The following SHQ1 variants were observed in gnomAD, a reference collection of about 807,000 sequenced individuals.
The protein encoded by SHQ1 is protein SHQ1 homolog.
In SHQ1, 49 loss-of-function variants were observed where a neutral mutation model predicts 53.8. The ratio of observed to expected loss-of-function variants is 0.91; its 90% CI spans 0.72 to 1.16. The LOEUF (loss-of-function observed/expected upper bound fraction) is 1.16. Ranked by LOEUF, SHQ1 falls within the 50% of genes most tolerant of loss-of-function variation. The probability of loss-of-function intolerance (pLI) is 0.00; values close to 1 mark genes in which losing one functional copy is unlikely to be tolerated. For synonymous variants in SHQ1, 243 were observed against 251.0 expected (o/e 0.97, Z 0.30); for missense variants, 738 against 683.1 (o/e 1.08, Z -0.90).
At chr3:72,842,426 C>T in intron 2 of SHQ1, 24 bp from the exon 3 acceptor site, 1 of 1,607,258 alleles carries the variant, frequency 6.2e-7, no homozygotes, top group Non-Finnish European at 8.5e-7. Context: ...TTGTTTTATG[C>T]TTAGATTAAA....
At chr3:72,835,466 AAC>A (rs1443052733) in intron 4 of SHQ1, among the ~76,000 whole-genome samples, 1 of 152,172 alleles carries the variant, frequency 6.6e-6, no homozygotes, top group African/African-American at 2.4e-5. Context: ...GCAATTTTAA[AAC>A]ACAGACTTAC....
chr3:72,797,462 T>A (rs1706660568), intron 9 of SHQ1, among the ~76,000 whole-genome samples: 1 of 152,182 alleles, frequency 6.6e-6, no homozygotes, highest in Admixed American at 6.5e-5. Context: ...AGAAACATTA[T>A]TTGTTTAACA....
At chr3:72,740,325 C>T in the SHQ1 span, among the ~76,000 whole-genome samples, 1 of 152,122 alleles carries the variant, frequency 6.6e-6, no homozygotes, top group East Asian at 1.9e-4. Context: ...CAGATGGTAA[C>T]AAGAAAGTAG....
chr3:72,753,816 T>G (rs1425830939), intron 10 of SHQ1, among the ~76,000 whole-genome samples: 1 of 152,346 alleles, frequency 6.6e-6, no homozygotes, highest in South Asian at 2.1e-4. Context: ...AATTTGCATT[T>G]ATACCCAAGA....
chr3:72,838,859 A>T (rs2106948074), intron 4 of SHQ1, among the ~76,000 whole-genome samples: 1 of 152,076 alleles, frequency 6.6e-6, no homozygotes, highest in South Asian at 2.1e-4. Context: ...AGTCAACTAT[A>T]TTGGTTAATG....
chr3:72,797,326 G>A (rs1706656282), intron 9 of SHQ1, among the ~76,000 whole-genome samples: 1 of 152,006 alleles, frequency 6.6e-6, no homozygotes, highest in Non-Finnish European at 1.5e-5. Context: ...GATATTAACA[G>A]TATCTGTCTC....
intron 10 of SHQ1, among the ~76,000 whole-genome samples, chr3:72,784,386 T>C (rs1170513928): frequency 1.3e-5 from 2 of 152,220 alleles, no homozygotes; most frequent in African/African-American, 4.8e-5. Context: ...CAGTGGGCAC[T>C]GCTGAGCTAC....
Position 72,848,198 on chromosome 3 carries a change from C to G in SHQ1, c.143G>C (p.Arg48Thr), listed in dbSNP as rs1218630374. 8 of 1,614,190 alleles carry G rather than the reference C, an allele frequency of 5.0e-6. No homozygotes were observed. The highest frequency in any genetic ancestry group is 5.9e-6 in the Non-Finnish European group (7 of 1,180,026). Residue 48 changes from arginine to threonine, a missense_variant and splice_region_variant, in exon 1 of 11, where the codon AGA (arginine) becomes ACA (threonine). Physicochemically the swap from Arg to Thr is moderately conservative, Grantham distance 71. Coordinates refer to ENST00000325599, the MANE Select transcript of SHQ1 (RefSeq NM_018130.3). ...FKFYAKPYFL[R>T]LTLPGRIVEN... is the part of the protein sequence containing the mutation. ...CTGCGGCCAGGCACCCCGAACTCGC[C>G]TGAGAAAGTATGGCTTGGCGTAGAA...
At chr3:72,827,198 T>C (rs1048500681) in intron 5 of SHQ1, among the ~76,000 whole-genome samples, 1 of 151,924 alleles carries the variant, frequency 6.6e-6, no homozygotes, top group African/African-American at 2.4e-5. Flanking sequence ...CAGACATGAG[T>C]GAGAAATAAC....
At chr3:72,809,089 T>C (rs1559682371) in intron 9 of SHQ1, among the ~76,000 whole-genome samples, 1 of 152,126 alleles carries the variant, frequency 6.6e-6, no homozygotes, top group Non-Finnish European at 1.5e-5. Flanking sequence ...TAACCGTAGA[T>C]ACCAACTGGA....
chr3:72,812,096 G>GT (rs1707141590), intron 9 of SHQ1, among the ~76,000 whole-genome samples: 1 of 152,214 alleles, frequency 6.6e-6, no homozygotes, highest in Non-Finnish European at 1.5e-5. Context: ...GCTAACGAGT[G>GT]TTTGTCTTTT....
At chr3:72,776,908 A>G (rs958057389) in intron 10 of SHQ1, among the ~76,000 whole-genome samples, 2 of 152,198 alleles carry the variant, frequency 1.3e-5, no homozygotes, top group South Asian at 4.1e-4. Flanking sequence ...AGATCCACAC[A>G]TACATGTTAA....
At chr3:72,840,634 C>A (rs192653527) in intron 4 of SHQ1, among the ~76,000 whole-genome samples, 1 of 151,236 alleles carries the variant, frequency 6.6e-6, no homozygotes, top group African/African-American at 2.4e-5. Flanking sequence ...GATCAAAACA[C>A]ACAATCTCAT....
chr3:72,827,120 G>C (rs1235214980), intron 5 of SHQ1, among the ~76,000 whole-genome samples: 1 of 152,096 alleles, frequency 6.6e-6, no homozygotes, highest in Non-Finnish European at 1.5e-5. Context: ...AGTGAAAAAT[G>C]ACACTGAGAA....
At chr3:72,745,297 A>C (rs1355338595), downstream of SHQ1, among the ~76,000 whole-genome samples, 1 of 152,106 alleles carries the variant, frequency 6.6e-6, no homozygotes, top group Non-Finnish European at 1.5e-5. Flanking sequence ...CTGTCAACCA[A>C]TTTAGAATGT....
chr3:72,729,409 C>T, the SHQ1 span, among the ~76,000 whole-genome samples: 2 of 152,306 alleles, frequency 1.3e-5, no homozygotes, highest in African/African-American at 4.8e-5. Flanking sequence ...TGCCTCCAGC[C>T]TCCTGATCGA....
At chr3:72,797,443 T>C (rs1295573203) in intron 9 of SHQ1, among the ~76,000 whole-genome samples, 1 of 152,102 alleles carries the variant, frequency 6.6e-6, no homozygotes, top group Non-Finnish European at 1.5e-5. Context: ...ATTTTCAAAA[T>C]TGTCCACAAG....
intron 9 of SHQ1, among the ~76,000 whole-genome samples, chr3:72,802,601 C>G (rs1706822074): frequency 6.6e-6 from 1 of 152,178 alleles, no homozygotes; most frequent in Non-Finnish European, 1.5e-5. Flanking sequence ...CTTTTATATT[C>G]CTTTTTCTGA....
At chr3:72,761,646 C>G (rs1340648308) in intron 10 of SHQ1, among the ~76,000 whole-genome samples, 1 of 152,174 alleles carries the variant, frequency 6.6e-6, no homozygotes, top group African/African-American at 2.4e-5. Context: ...TGCAGGCTTT[C>G]TAAGTATTTC....
Sources: gnomAD v4.1 joint callset for allele counts (sites outside exome capture counted in the v4.1 genomes callset) on GRCh38, gnomAD v4.1.1 for gene constraint, MANE v1.5 for transcripts, NCBI Gene and HGNC (gene_info 2026-07-23, HGNC 2026-07-21) for gene names.